GRIN2A: variants seen among roughly 807,000 people sequenced by gnomAD.
GRIN2A encodes the protein glutamate receptor ionotropic, NMDA 2A.
GRIN2A carries 22 observed loss-of-function variants against 113.4 expected under a neutral mutation model. That is an observed-to-expected ratio of 0.19 (90% CI 0.14 to 0.28). The LOEUF is 0.28. Ranked by LOEUF, GRIN2A falls within the 10% of genes least tolerant of loss-of-function variation. The probability of loss-of-function intolerance (pLI) is 1.00; values close to 1 mark genes in which losing one functional copy is unlikely to be tolerated. For synonymous variants in GRIN2A, 827 were observed against 738.4 expected (o/e 1.12, Z -1.94); for missense variants, 1,502 against 1,887.0 (o/e 0.80, Z 3.78).
intron 10 of GRIN2A, among the ~76,000 whole-genome samples, chr16:9,805,941 G>T (rs2041958030): frequency 6.6e-6 from 1 of 152,162 alleles, no homozygotes; most frequent in Admixed American, 6.6e-5. Flanking sequence ...GCACAGAATG[G>T]TCTAAAACTG....
At chr16:10,035,882 C>T (rs748269590) in intron 2 of GRIN2A, among the ~76,000 whole-genome samples, 134 of 152,242 alleles carry the variant, frequency 8.8e-4, no homozygotes, top group Middle Eastern at 6.8e-3. Flanking sequence ...TGCCACCATG[C>T]CTGGCTAATT....
intron 2 of GRIN2A, among the ~76,000 whole-genome samples, chr16:10,168,599 T>C (rs17570674): frequency 0.047 from 7,086 of 152,266 alleles, 234 homozygotes; most frequent in Middle Eastern, 0.078. Flanking sequence ...ATTCCATGAA[T>C]CCTCACAGTC....
intron 10 of GRIN2A, 120 bp from the exon 11 acceptor site, chr16:9,798,584 A>C (rs1415237944): frequency 1.4e-6 from 1 of 700,466 alleles, no homozygotes; most frequent in East Asian, 2.6e-5. Context: ...ATGATGACTC[A>C]TGGCCTCTCC....
chr16:9,898,485 G>C (rs921851271), intron 3 of GRIN2A, among the ~76,000 whole-genome samples: 5 of 152,130 alleles, frequency 3.3e-5, no homozygotes, highest in African/African-American at 1.2e-4. Flanking sequence ...CTAATTATTT[G>C]AGATGTTCTC....
At chr16:9,789,718 G>A (rs143228250) in intron 11 of GRIN2A, among the ~76,000 whole-genome samples, 16 of 152,286 alleles carry the variant, frequency 1.1e-4, no homozygotes, top group African/African-American at 3.4e-4. Flanking sequence ...AGTCAAAACT[G>A]TGCAATTATC....
In GRIN2A at chr16:9,822,389, T is replaced by A; in HGVS notation, c.2043A>T (p.Arg681=). The change falls in exon 10 of 13, where the codon CGA becomes CGT. Residue 681 remains arginine, a synonymous_variant. Transcript: ENST00000330684. ...QRPHDYSPPF[R]FGTVPNGSTE... ...TGCTTCCATTAGGCACTGTCCCAAA[T>A]CGAAAAGGTGGGGAATAGTCATGAG... 1.2e-6 allele frequency: 2 copies of A among 1,612,396 alleles called. No individual in the cohort carries two copies. The highest frequency in any genetic ancestry group is 1.7e-6 in the Non-Finnish European group (2 of 1,178,972).
At chr16:10,070,766 G>C (rs779560506) in intron 2 of GRIN2A, among the ~76,000 whole-genome samples, 1 of 152,314 alleles carries the variant, frequency 6.6e-6, no homozygotes, top group East Asian at 1.9e-4. Flanking sequence ...TTGTTCAGCG[G>C]TTGGATTAGC....
At chr16:9,943,301 G>C (rs889078472) in intron 2 of GRIN2A, 5 of 152,170 alleles carry the variant, frequency 3.3e-5, no homozygotes, top group African/African-American at 1.2e-4. Context: ...ACTGCTCTGC[G>C]GAAGACAGAA....
chr16:10,137,811 G>C (rs2049231597), intron 2 of GRIN2A, among the ~76,000 whole-genome samples: 1 of 152,188 alleles, frequency 6.6e-6, no homozygotes, highest in Non-Finnish European at 1.5e-5. Flanking sequence ...AGCAATGCAA[G>C]CCCGCATTAT....
intron 2 of GRIN2A, among the ~76,000 whole-genome samples, chr16:10,019,969 G>T (rs868071676): frequency 6.6e-6 from 1 of 152,180 alleles, no homozygotes; most frequent in Admixed American, 6.5e-5. Flanking sequence ...ACCAACAGTC[G>T]TGAAAGATGT....
rs139546520 is a variant in GRIN2A at position 9,763,536 on chromosome 16, G to C, written c.4008C>G (p.Leu1336=). Reference sequence around the variant, plus strand: ...GGAAAAGGGAGCTTTTTTTCCCCGAGAGTTTGCTTGAGGGGACACTAAACA... The same window carrying C: ...GGAAAAGGGAGCTTTTTTTCCCCGACAGTTTGCTTGAGGGGACACTAAACA... ...GSLFSVPSSK[L]SGKKSSLFPQ... is the part of the protein sequence containing the mutation. The change falls in exon 13 of 13, where the codon CTC becomes CTG. Residue 1336 remains leucine, a synonymous_variant. Coordinates refer to ENST00000330684, the MANE Select transcript of GRIN2A (RefSeq NM_001134407.3). 1 of 1,614,018 alleles carries C rather than the reference G, an allele frequency of 6.2e-7. No homozygotes were observed.
intron 2 of GRIN2A, among the ~76,000 whole-genome samples, chr16:10,146,059 C>A (rs1384557582): frequency 2.6e-5 from 4 of 152,152 alleles, no homozygotes; most frequent in Non-Finnish European, 5.9e-5. Context: ...GGTAGAAACA[C>A]AAATAAAAGG....
chr16:9,801,980 A>T (rs569594458), intron 10 of GRIN2A, among the ~76,000 whole-genome samples: 1 of 152,354 alleles, frequency 6.6e-6, no homozygotes. Context: ...CCTGGGGCAT[A>T]CACAGTCCCC....
chr16:10,099,682 G>A (rs1427219635), intron 2 of GRIN2A, among the ~76,000 whole-genome samples: 1 of 152,194 alleles, frequency 6.6e-6, no homozygotes, highest in East Asian at 1.9e-4. Context: ...GTCAGAAACA[G>A]AATAAAGGTA....
intron 11 of GRIN2A, among the ~76,000 whole-genome samples, chr16:9,789,980 G>T (rs1436099015): frequency 6.6e-6 from 1 of 152,200 alleles, no homozygotes; most frequent in East Asian, 1.9e-4. Flanking sequence ...GAACACTATG[G>T]ATATGAAACT....
chr16:10,015,287 AAAGAAAGGAAAG>A (rs2046588001), intron 2 of GRIN2A, among the ~76,000 whole-genome samples: 1 of 141,898 alleles, frequency 7.0e-6, no homozygotes, highest in Non-Finnish European at 1.5e-5. Context: ...AAAAAAAGAA[AAAGAAAGGAAAG>A]GAAAAGAAAA....
At chr16:10,006,750 CATTAACCCTCCCT>C (rs2046410879) in intron 2 of GRIN2A, among the ~76,000 whole-genome samples, 1 of 152,100 alleles carries the variant, frequency 6.6e-6, no homozygotes, top group African/African-American at 2.4e-5. Context: ...ATTTTTTACC[CATTAACCCTCCCT>C]ATTTCCCAGC....
At chr16:10,132,525 C>T (rs909273935) in intron 2 of GRIN2A, among the ~76,000 whole-genome samples, 13 of 152,236 alleles carry the variant, frequency 8.5e-5, no homozygotes, top group Admixed American at 2.6e-4. Flanking sequence ...GTCGTGATGG[C>T]TTTCTGACCT....
intron 2 of GRIN2A, among the ~76,000 whole-genome samples, chr16:10,105,263 A>G (rs2048475661): frequency 1.3e-5 from 2 of 152,154 alleles, no homozygotes; most frequent in Admixed American, 1.3e-4. Flanking sequence ...CCACCCCCAA[A>G]GAGGAAAATC....
Sources: allele counts gnomAD v4.1 joint callset (sites outside exome capture counted in the v4.1 genomes callset), GRCh38; gene constraint gnomAD v4.1.1; transcripts MANE v1.5; gene names NCBI Gene and HGNC (gene_info 2026-07-23, HGNC 2026-07-21).